Variants in ADAMTS6 observed in about 807,000 individuals in gnomAD.
The protein encoded by ADAMTS6 is ADAM metallopeptidase with thrombospondin type 1 motif 6.
In ADAMTS6, 23 loss-of-function variants were observed where a neutral mutation model predicts 144.3. That is an observed-to-expected ratio of 0.16 (90% CI 0.11 to 0.23). ADAMTS6 has a LOEUF of 0.23. ADAMTS6 is among the 10% of genes least tolerant of loss of function. The pLI is 1.00. For missense variants in ADAMTS6, 999 were observed against 1,379.6 expected (o/e 0.72, Z 4.37); for synonymous variants, 444 against 457.5 (o/e 0.97, Z 0.38).
intron 7 of ADAMTS6, among the ~76,000 whole-genome samples, chr5:65,422,647 A>T (rs11745783): frequency 5.6e-5 from 5 of 88,754 alleles, no homozygotes; most frequent in Non-Finnish European, 8.5e-5. Context: ...TAAAAAAATT[A>T]AAAAATTAAA....
intron 9 of ADAMTS6, among the ~76,000 whole-genome samples, chr5:65,311,032 A>G (rs917822552): frequency 5.3e-5 from 8 of 152,154 alleles, no homozygotes; most frequent in Non-Finnish European, 8.8e-5. Flanking sequence ...CTTCCAGGAT[A>G]AGACTTTTGT....
chr5:65,391,489 C>G (rs984526026), intron 7 of ADAMTS6, among the ~76,000 whole-genome samples: 1 of 151,722 alleles, frequency 6.6e-6, no homozygotes, highest in Non-Finnish European at 1.5e-5. Context: ...GGCCCTTTAC[C>G]CCTTAATATT....
chr5:65,218,313 T>C (rs146170263), intron 18 of ADAMTS6, among the ~76,000 whole-genome samples: 4 of 152,028 alleles, frequency 2.6e-5, no homozygotes, highest in Non-Finnish European at 5.9e-5. Context: ...CAAACAAAGC[T>C]CAAAAGCAAA....
intron 9 of ADAMTS6, among the ~76,000 whole-genome samples, chr5:65,323,380 T>A (rs937271267): frequency 9.3e-5 from 14 of 150,802 alleles, no homozygotes; most frequent in Non-Finnish European, 1.9e-4. Flanking sequence ...TGGTTTTTTG[T>A]CCTTCCAATA....
rs1057503610 is a variant in ADAMTS6, at chr5:65,242,204, T to C, written c.1833A>G (p.Pro611=). 2 of 1,591,394 alleles carry C rather than the reference T, an allele frequency of 1.3e-6. No individual in the cohort carries two copies. Among genetic ancestry groups the C allele is most frequent in the Non-Finnish European group, 1.7e-6 (2 of 1,166,318 alleles). ...GAAAATCTCGGGAACCCAAAGGGCATGGCTAAAATAAAATAAAATCATAAA... is the reference window on the plus strand; with the variant it reads ...GAAAATCTCGGGAACCCAAAGGGCACGGCTAAAATAAAATAAAATCATAAA... ...RKRYRSCNTD[P]CPLGSRDFRE... Residue 611 remains proline (P), a splice_region_variant and synonymous_variant, in exon 15 of 25, where the codon CCA becomes CCG. Transcript: ENST00000381055.
rs1012489776 is a variant in ADAMTS6, at chr5:65,187,916, G to A, written c.2910+100C>T. The A allele has an allele frequency of 2.5e-6, 3 of 1,204,908 alleles. No individual in the cohort carries two copies. In the African/African-American group the frequency reaches 4.5e-5, roughly 18 times the overall value. 74.6% of individuals were successfully genotyped at this position (1,204,908 alleles called of 1,614,324 possible). On this transcript the variant is annotated intron_variant, in intron 22 of 24. Coordinates refer to ENST00000381055, the MANE Select transcript of ADAMTS6 (RefSeq NM_197941.4). The stretch of plus-strand genomic sequence containing the variant: ...GGTCACTGTTACACAGCCCTTACTT[G>A]TTGAGTTCTAAGATGTTCAGGTGTC...
chr5:65,477,268 C>T (rs181180720), intron 1 of ADAMTS6, among the ~76,000 whole-genome samples: 14 of 151,770 alleles, frequency 9.2e-5, no homozygotes, highest in Admixed American at 7.9e-4. Flanking sequence ...TAAATTAGTC[C>T]CTCATATACT....
At chr5:65,391,419 TAC>T (rs34581260) in intron 7 of ADAMTS6, among the ~76,000 whole-genome samples, 18,368 of 148,440 alleles carry the variant, frequency 0.12, 1,325 homozygotes, top group African/African-American at 0.2. Context: ...TGTGTCTCTC[TAC>T]ACACACACAC....
chr5:65,267,380 T>C (rs1407408293), intron 12 of ADAMTS6, among the ~76,000 whole-genome samples: 4 of 152,068 alleles, frequency 2.6e-5, no homozygotes, highest in Non-Finnish European at 5.9e-5. Context: ...TTTAACCACA[T>C]TCATAAAGGT....
rs1460069927 is a variant in ADAMTS6, at chr5:65,470,957, G to C, written c.283C>G (p.His95Asp). 2 of 1,612,910 alleles carry C rather than the reference G, an allele frequency of 1.2e-6. No homozygotes were observed. The highest frequency in any genetic ancestry group is 1.7e-5 in the Admixed American group (1 of 59,824). Residue 95 changes from histidine (H) to aspartate (D), a missense_variant, in exon 3 of 25, where the codon CAC becomes GAC. By Grantham distance (81) the His-to-Asp change is moderately conservative. Around this residue, in one of 3 missense-constraint regions of ADAMTS6, gnomAD observed 252 missense variants for 293.7 expected, o/e 0.86. Transcript: ENST00000381055. Reference sequence around the variant, plus strand: ...TTGAGAGTCAAGTTTAGATGAAAGTGCTTGCCATAGGCTGAAAGTTTAAAA... The same window carrying C: ...TTGAGAGTCAAGTTTAGATGAAAGTCCTTGCCATAGGCTGAAAGTTTAAAA... Reference protein sequence around the residue: ...LFFKLSAYGKHFHLNLTLNTD... With the variant: ...LFFKLSAYGKDFHLNLTLNTD...
At chr5:65,228,832 G>C (rs1204469785) in intron 15 of ADAMTS6, among the ~76,000 whole-genome samples, 1 of 152,210 alleles carries the variant, frequency 6.6e-6, no homozygotes, top group Non-Finnish European at 1.5e-5. Context: ...AGAATACTGA[G>C]GTGATCAGCA....
chr5:65,434,424 G>C (rs1429877234), intron 7 of ADAMTS6, among the ~76,000 whole-genome samples: 2 of 152,086 alleles, frequency 1.3e-5, no homozygotes, highest in African/African-American at 4.8e-5. Context: ...ATTCACTCAG[G>C]CTAAATGGGT....
At chr5:65,228,609 C>A (rs1377605547) in intron 15 of ADAMTS6, among the ~76,000 whole-genome samples, 6 of 152,028 alleles carry the variant, frequency 3.9e-5, no homozygotes, top group Non-Finnish European at 8.8e-5. Flanking sequence ...ATTCCCCAAA[C>A]AGACAAATCG....
At chr5:65,422,608 G>A (rs565754121) in intron 7 of ADAMTS6, among the ~76,000 whole-genome samples, 2 of 151,502 alleles carry the variant, frequency 1.3e-5, no homozygotes, top group African/African-American at 2.4e-5. Flanking sequence ...GTGACAGAGC[G>A]AGACTACGTC....
rs759508097 is a variant in ADAMTS6, at chr5:65,253,812, C to CTTT, written c.1830+6785_1830+6787dup. On this transcript the variant is annotated intron_variant, in intron 14 of 24. Transcript: ENST00000381055. ...TAAAGTCTTGCTTACAATATTCAATCTTTTTTTTTTTTTTTTTTTTTTTTT... is the reference window on the plus strand; with the variant it reads ...TAAAGTCTTGCTTACAATATTCAATCTTTTTTTTTTTTTTTTTTTTTTTTTTTT... Among the ~76,000 whole-genome samples, 452 of 67,002 alleles carry CTTT rather than the reference C, an allele frequency of 6.7e-3. 53 individuals carry two copies. Among genetic ancestry groups the CTTT allele is most frequent in the Middle Eastern group, 0.013 (1 of 76 alleles). The allele number at this position is 67,002 out of a possible 152,430, so 44.0% of individuals were successfully genotyped here.
intron 24 of ADAMTS6, among the ~76,000 whole-genome samples, chr5:65,168,249 CAGAG>C (rs1251425181): frequency 2.0e-5 from 3 of 150,496 alleles, no homozygotes; most frequent in Admixed American, 6.6e-5. Flanking sequence ...AACAGACAAA[CAGAG>C]AGCCAAATCA....
chr5:65,382,441 G>A (rs1410439171), intron 7 of ADAMTS6, among the ~76,000 whole-genome samples: 1 of 152,132 alleles, frequency 6.6e-6, no homozygotes, highest in Admixed American at 6.5e-5. Context: ...ATTTGAAATT[G>A]GATACTTATA....
chr5:65,314,117 A>G (rs1282540027), intron 9 of ADAMTS6, among the ~76,000 whole-genome samples: 1 of 152,176 alleles, frequency 6.6e-6, no homozygotes, highest in East Asian at 1.9e-4. Flanking sequence ...CTTTAAAGGA[A>G]AAAGTAAACA....
intron 7 of ADAMTS6, among the ~76,000 whole-genome samples, chr5:65,436,504 T>C (rs1363987532): frequency 6.6e-6 from 1 of 152,126 alleles, no homozygotes; most frequent in African/African-American, 2.4e-5. Flanking sequence ...ATTCAAATCA[T>C]TTAAGAAAAA....
Sources: allele counts gnomAD v4.1 joint callset (sites outside exome capture counted in the v4.1 genomes callset), GRCh38; gene constraint gnomAD v4.1.1; regional missense constraint gnomAD v4.1.1; transcripts MANE v1.5; gene names NCBI Gene and HGNC (gene_info 2026-07-23, HGNC 2026-07-21).